Variants in PCBD2 observed in about 807,000 individuals in gnomAD.
The protein encoded by PCBD2 is pterin-4 alpha-carbinolamine dehydratase 2.
In PCBD2, 12 loss-of-function variants were observed where a neutral mutation model predicts 16.4. The observed-to-expected ratio is 0.73, with a 90% CI of 0.47 to 1.19. The LOEUF (loss-of-function observed/expected upper bound fraction) is 1.19, where lower values mean the gene tolerates loss of function less well. Ranked by LOEUF, PCBD2 falls within the 50% of genes most tolerant of loss-of-function variation. The pLI, the probability that PCBD2 is intolerant of heterozygous loss-of-function variation, is 0.00. For missense variants in PCBD2, 138 were observed against 156.8 expected, an observed-to-expected ratio of 0.88 and a Z score of 0.64; for synonymous variants, 58 against 61.8, an observed-to-expected ratio of 0.94 and a Z score of 0.29.
In PCBD2 at chr5:134,906,017, C is replaced by T. The variant is rs539776553; in HGVS notation, c.84+794C>T. On this transcript the variant is annotated intron_variant, in intron 1 of 3. Coordinates refer to ENST00000254908, the MANE Select transcript of PCBD2 (RefSeq NM_032151.5). ...CCTCCCGAGTAGCTGCGATTACAGGCGCGTGCCATTTCGCCCAGGTAATTT... is the reference window on the plus strand; with the variant it reads ...CCTCCCGAGTAGCTGCGATTACAGGTGCGTGCCATTTCGCCCAGGTAATTT... Among the ~76,000 whole-genome samples, 9 of 151,500 alleles carry T rather than the reference C, an allele frequency of 5.9e-5. No homozygotes were observed. The South Asian group carries it at 1.7e-3, about 28-fold the overall frequency.
chr5:134,946,343 G>A (rs1751295425), intron 2 of PCBD2, among the ~76,000 whole-genome samples: 2 of 152,196 alleles, frequency 1.3e-5, no homozygotes, highest in South Asian at 2.1e-4. Context: ...CTTATGAGAC[G>A]GTTTCTTTGC....
At chr5:134,930,944 G>T (rs1751085469) in intron 2 of PCBD2, among the ~76,000 whole-genome samples, 1 of 152,060 alleles carries the variant, frequency 6.6e-6, no homozygotes, top group African/African-American at 2.4e-5. Flanking sequence ...TTGAGACAGA[G>T]TCTTGCTCTG....
chr5:134,927,739 TTAGTA>T, intron 2 of PCBD2: 1 of 397,688 alleles, frequency 2.5e-6, no homozygotes, highest in East Asian at 3.6e-5. Context: ...TGTAGGGAGA[TTAGTA>T]TAGAGAGGTA....
At chr5:134,928,408 C>A (rs75885899) in intron 2 of PCBD2, 2 of 359,510 alleles carry the variant, frequency 5.6e-6, no homozygotes, top group Admixed American at 4.8e-5. Flanking sequence ...CTCAGTCTAA[C>A]CCTTTTTATA....
Position 134,959,084 on chromosome 5 carries a change from G to A in PCBD2, c.261G>A (p.Met87Ile), listed in dbSNP as rs1390608837. Reference protein sequence around the residue: ...MSRVALQAEKMNHHPEWFNVY... With the variant: ...MSRVALQAEKINHHPEWFNVY... ...GAGTTGCCCTACAAGCAGAGAAGAT[G>A]AATCATCACCCAGAATGGTTCAATG... The change falls in exon 3 of 4, where the codon ATG becomes ATA. Residue 87 changes from methionine (M) to isoleucine (I), a missense_variant. Physicochemically the swap from Met to Ile is conservative, Grantham distance 10 (BLOSUM62 1). Transcript: ENST00000254908. 7 of 1,613,912 alleles carry A rather than the reference G, an allele frequency of 4.3e-6. No homozygotes were observed. The highest frequency in any genetic ancestry group is 5.1e-6 in the Non-Finnish European group (6 of 1,179,928).
intron 2 of PCBD2, among the ~76,000 whole-genome samples, chr5:134,945,958 A>G (rs1751290895): frequency 6.6e-6 from 1 of 152,112 alleles, no homozygotes; most frequent in South Asian, 2.1e-4. Context: ...GATACCACCC[A>G]CCAGACTTTG....
intron 2 of PCBD2, among the ~76,000 whole-genome samples, chr5:134,921,030 G>A (rs1379726522): frequency 5.9e-5 from 9 of 152,222 alleles, no homozygotes; most frequent in East Asian, 1.9e-4. Context: ...CAGCCCTGTC[G>A]GTGGACATGC....
intron 2 of PCBD2, among the ~76,000 whole-genome samples, chr5:134,918,648 T>G (rs1750863228): frequency 6.6e-6 from 1 of 152,268 alleles, no homozygotes; most frequent in South Asian, 2.1e-4. Context: ...TGATTGGCTT[T>G]GTAACCACAG....
chr5:134,955,201 T>C (rs891186239), intron 2 of PCBD2, among the ~76,000 whole-genome samples: 1 of 152,026 alleles, frequency 6.6e-6, no homozygotes. Context: ...AAAACTTATT[T>C]TTTTTTTAAA....
chr5:134,920,802 C>T (rs868577923), intron 2 of PCBD2, among the ~76,000 whole-genome samples: 2 of 152,164 alleles, frequency 1.3e-5, no homozygotes, highest in Non-Finnish European at 2.9e-5. Context: ...ATTAGAGGCA[C>T]CTGCCACCAA....
At chr5:134,924,916 G>T in intron 2 of PCBD2, 1 of 390,844 alleles carries the variant, frequency 2.6e-6, no homozygotes, top group Non-Finnish European at 4.5e-6. Flanking sequence ...ATACAGTGGG[G>T]ATTTTATTTT....
chr5:134,935,973 C>T (rs1191866052), intron 2 of PCBD2, among the ~76,000 whole-genome samples: 1 of 152,092 alleles, frequency 6.6e-6, no homozygotes, highest in Non-Finnish European at 1.5e-5. Flanking sequence ...CTGGGTCTCA[C>T]TAAGGAAGTG....
At chr5:134,924,503 T>C in intron 2 of PCBD2, 1 of 397,656 alleles carries the variant, frequency 2.5e-6, no homozygotes, top group Non-Finnish European at 4.4e-6. Flanking sequence ...GAATAATTTA[T>C]GAAGGAGAAG....
At chr5:134,958,480 TTC>T (rs1170993806) in intron 2 of PCBD2, among the ~76,000 whole-genome samples, 1 of 152,184 alleles carries the variant, frequency 6.6e-6, no homozygotes, top group Non-Finnish European at 1.5e-5. Context: ...CAAGCTGGGC[TTC>T]TGTTTCACTC....
intron 2 of PCBD2, among the ~76,000 whole-genome samples, chr5:134,945,009 A>T (rs975423674): frequency 6.6e-6 from 1 of 152,236 alleles, no homozygotes; most frequent in African/African-American, 2.4e-5. Context: ...AATTTTTTAT[A>T]GGAAAATCAC....
At chr5:134,923,752 G>C (rs530458028) in intron 2 of PCBD2, 1 of 391,442 alleles carries the variant, frequency 2.6e-6, no homozygotes, top group Non-Finnish European at 4.5e-6. Context: ...TATAGGCCTC[G>C]GCCGATGTGT....
intron 2 of PCBD2, among the ~76,000 whole-genome samples, chr5:134,939,858 T>TG (rs1434359663): frequency 6.6e-6 from 1 of 151,988 alleles, no homozygotes; most frequent in Non-Finnish European, 1.5e-5. Context: ...CCAACCACCA[T>TG]GAAAAACCAG....
intron 1 of PCBD2, among the ~76,000 whole-genome samples, chr5:134,907,031 A>C (rs1344331447): frequency 6.6e-6 from 1 of 152,216 alleles, no homozygotes; most frequent in Non-Finnish European, 1.5e-5. Flanking sequence ...TGTTGTGGGC[A>C]TAAAGTGCAT....
At chr5:134,923,924 G>T (rs1750944136) in intron 2 of PCBD2, 1 of 394,424 alleles carries the variant, frequency 2.5e-6, no homozygotes, top group South Asian at 1.3e-4. Context: ...TGATTTGGAG[G>T]ATTAGGCAGG....
Sources: allele counts gnomAD v4.1 joint callset (sites outside exome capture counted in the v4.1 genomes callset), GRCh38; gene constraint gnomAD v4.1.1; transcripts MANE v1.5; gene names NCBI Gene and HGNC (gene_info 2026-07-23, HGNC 2026-07-21).